The following SGK3 variants were observed in gnomAD, a reference collection of about 807,000 sequenced individuals.
The protein encoded by SGK3 is serine/threonine-protein kinase Sgk3.
In SGK3, 47 loss-of-function variants were observed where a neutral mutation model predicts 68.5. The ratio of observed to expected loss-of-function variants is 0.69; its 90% confidence interval spans 0.54 to 0.87. The LOEUF (loss-of-function observed/expected upper bound fraction) is 0.87, where lower values mean the gene tolerates loss of function less well. Ranked by LOEUF, SGK3 falls within the 40% of genes least tolerant of loss-of-function variation. The pLI, the probability that SGK3 is intolerant of heterozygous loss-of-function variation, is 0.00. For missense variants in SGK3, 479 were observed against 575.5 expected (o/e 0.83, Z 1.72); for synonymous variants, 181 against 189.1 (o/e 0.96, Z 0.35).
At chr8:66,856,526 C>T (rs1247294188) in intron 16 of SGK3, among the ~76,000 whole-genome samples, 1 of 152,132 alleles carries the variant, frequency 6.6e-6, no homozygotes, top group Non-Finnish European at 1.5e-5. Flanking sequence ...CAAAATGCTC[C>T]AGTGACTGTC....
intron 1 of SGK3, among the ~76,000 whole-genome samples, chr8:66,722,395 G>T (rs917224687): frequency 2.0e-4 from 30 of 152,182 alleles, no homozygotes; most frequent in African/African-American, 7.0e-4. Flanking sequence ...CGGTTCTCCT[G>T]CCTTAGCCTC....
chr8:66,795,302 C>G (rs1807633930), intron 2 of SGK3, among the ~76,000 whole-genome samples: 1 of 152,226 alleles, frequency 6.6e-6, no homozygotes, highest in African/African-American at 2.4e-5. Context: ...CATCCCAGAG[C>G]AGAGAAATTG....
At chr8:66,715,210 G>A (rs920029780) in intron 1 of SGK3, among the ~76,000 whole-genome samples, 2 of 151,976 alleles carry the variant, frequency 1.3e-5, no homozygotes, top group African/African-American at 4.8e-5. Flanking sequence ...AGTTTAGAAC[G>A]GACACATGGT....
chr8:66,828,013 A>G (rs751917909), intron 6 of SGK3, among the ~76,000 whole-genome samples: 4 of 152,024 alleles, frequency 2.6e-5, no homozygotes, highest in East Asian at 1.9e-4. Context: ...AGTTCCAGCT[A>G]TTCGGGAGGC....
intron 14 of SGK3, among the ~76,000 whole-genome samples, chr8:66,844,600 A>G (rs1051250504): frequency 1.3e-5 from 2 of 152,202 alleles, no homozygotes; most frequent in African/African-American, 4.8e-5. Context: ...AATAGTTCCT[A>G]GACTCCCTTT....
At chr8:66,735,260 A>G (rs955176850) in intron 1 of SGK3, among the ~76,000 whole-genome samples, 1 of 152,184 alleles carries the variant, frequency 6.6e-6, no homozygotes, top group Non-Finnish European at 1.5e-5. Flanking sequence ...AAAGGAAGGA[A>G]AAGTGGAAAA....
intron 1 of SGK3, among the ~76,000 whole-genome samples, chr8:66,779,734 C>T (rs1806899812): frequency 6.7e-6 from 1 of 149,616 alleles, no homozygotes; most frequent in Non-Finnish European, 1.5e-5. Context: ...AGGTAAAATT[C>T]TGCATGTTGT....
chr8:66,734,480 G>A (rs1805260446), intron 1 of SGK3, among the ~76,000 whole-genome samples: 1 of 152,000 alleles, frequency 6.6e-6, no homozygotes, highest in African/African-American at 2.4e-5. Flanking sequence ...ACATTCATTT[G>A]AGGTTTCCTG....
rs192437374 is a variant in SGK3, at chr8:66,842,251, C to T, written c.978+1141C>T. On this transcript the variant is annotated intron_variant, in intron 13 of 16. Transcript: ENST00000521198. ...TTTTTTTTTTTTTGAGATGGAGTCT[C>T]GCTTTGTCATCCAGGCTGGAGTGCA... Among the ~76,000 whole-genome samples the T allele has an allele frequency of 2.4e-3, 339 of 140,528 alleles. 8 individuals carry two copies. In the East Asian group the frequency reaches 0.056, roughly 23 times the overall value. 92.2% of individuals were successfully genotyped at this position (140,528 alleles called of 152,430 possible). A position where few individuals can be genotyped will look rare whatever the true frequency, so the allele number is the denominator to read the frequency against.
chr8:66,829,057 A>T (rs915383579), intron 7 of SGK3, among the ~76,000 whole-genome samples: 2 of 151,916 alleles, frequency 1.3e-5, no homozygotes, highest in Non-Finnish European at 2.9e-5. Context: ...GTCCTCTGAA[A>T]AAAAGCACCC....
intron 7 of SGK3, 88 bp downstream of exon 7, chr8:66,828,791 T>C (rs1809173074): frequency 6.7e-7 from 1 of 1,502,434 alleles, no homozygotes; most frequent in African/African-American, 1.4e-5. Flanking sequence ...ATTACACTAA[T>C]TTAACTGTAG....
intron 12 of SGK3, chr8:66,840,748 G>A: frequency 4.4e-6 from 1 of 229,152 alleles, no homozygotes; most frequent in Non-Finnish European, 8.4e-6. Context: ...ACTTGAGGTG[G>A]CACGCCTGGG....
chr8:66,820,220 C>A (rs1032839206), intron 5 of SGK3, among the ~76,000 whole-genome samples: 1 of 152,176 alleles, frequency 6.6e-6, no homozygotes, highest in African/African-American at 2.4e-5. Context: ...AACTTTACCT[C>A]CAAATTATCT....
intron 4 of SGK3, among the ~76,000 whole-genome samples, chr8:66,809,682 T>G (rs1411287494): frequency 6.6e-6 from 1 of 152,244 alleles, no homozygotes; most frequent in African/African-American, 2.4e-5. Context: ...GAGATAATGT[T>G]GGAAAATACT....
chr8:66,814,081 T>C (rs1808486695), intron 5 of SGK3, among the ~76,000 whole-genome samples, 153 bp downstream of exon 5: 1 of 152,236 alleles, frequency 6.6e-6, no homozygotes, highest in African/African-American at 2.4e-5. Flanking sequence ...TGATACTCTT[T>C]CTCCCCTTTT....
intron 10 of SGK3, among the ~76,000 whole-genome samples, chr8:66,837,544 G>T (rs1439917423): frequency 1.3e-5 from 2 of 152,178 alleles, no homozygotes; most frequent in Non-Finnish European, 2.9e-5. Context: ...AATTTGGGAG[G>T]CCGATGTGGG....
At chr8:66,781,645 C>G (rs970206400) in intron 1 of SGK3, among the ~76,000 whole-genome samples, 7 of 152,316 alleles carry the variant, frequency 4.6e-5, no homozygotes, top group African/African-American at 1.7e-4. Context: ...AGTTGAGGTT[C>G]TTGGACACTC....
In SGK3 at chr8:66,831,198, A is replaced by G. The variant is rs1403786057; in HGVS notation, c.468-56A>G. The G allele has an allele frequency of 6.9e-6, 11 of 1,595,748 alleles. No homozygotes were observed. In the Admixed American group the frequency reaches 1.9e-4, roughly 27 times the overall value. Reference sequence around the variant, plus strand: ...AAGAGGGAGGTGCTAAGAAATGTTTAAAAGTTAATATTTCCAATTTCTAGG... The same window carrying G: ...AAGAGGGAGGTGCTAAGAAATGTTTGAAAGTTAATATTTCCAATTTCTAGG... On this transcript the variant is annotated intron_variant, in intron 7 of 16. Coordinates refer to ENST00000521198, the MANE Select transcript of SGK3 (RefSeq NM_001033578.3).
chr8:66,782,874 C>T (rs1371079882), intron 1 of SGK3, among the ~76,000 whole-genome samples: 1 of 152,176 alleles, frequency 6.6e-6, no homozygotes, highest in Non-Finnish European at 1.5e-5. Context: ...TTAATCTATT[C>T]ACCTATAGTA....
Sources: allele counts gnomAD v4.1 joint callset (sites outside exome capture counted in the v4.1 genomes callset), GRCh38; gene constraint gnomAD v4.1.1; transcripts MANE v1.5; gene names NCBI Gene and HGNC (gene_info 2026-07-23, HGNC 2026-07-21).